Variants in PDZD2 observed in about 807,000 individuals in gnomAD.
PDZD2 encodes the protein PDZ domain containing 2.
A neutral mutation model predicts 220.7 loss-of-function variants in PDZD2; 90 were observed. That is an observed-to-expected ratio of 0.41 (90% CI 0.34 to 0.49). The LOEUF (loss-of-function observed/expected upper bound fraction) is 0.49, where lower values mean the gene tolerates loss of function less well. Ranked by LOEUF, PDZD2 falls within the 20% of genes least tolerant of loss-of-function variation. PDZD2 has a pLI of 0.28. For synonymous variants in PDZD2, 1,375 were observed against 1,450.5 expected, an observed-to-expected ratio of 0.95 and a Z score of 1.18; for missense variants, 3,174 against 3,608.5, an observed-to-expected ratio of 0.88 and a Z score of 3.08.
chr5:31,874,493 G>T (rs1021084288), intron 2 of PDZD2, among the ~76,000 whole-genome samples: 9 of 152,068 alleles, frequency 5.9e-5, no homozygotes, highest in Non-Finnish European at 1.5e-5. Context: ...AGGTGTGGTG[G>T]CTCACACCTG....
chr5:31,763,916 GAGTA>G (rs1260250809), intron 1 of PDZD2, among the ~76,000 whole-genome samples: 1 of 150,638 alleles, frequency 6.6e-6, no homozygotes, highest in Non-Finnish European at 1.5e-5. Context: ...TAATCTCTGA[GAGTA>G]GTGAGCTCGG....
chr5:31,802,369 A>C lies in PDZD2; in HGVS notation c.476+2645A>C, dbSNP rs115245078. 5.6e-3 allele frequency among the ~76,000 whole-genome samples: 852 copies of C among 152,338 alleles called. 13 individuals are homozygous for C. The highest frequency in any genetic ancestry group is 0.02 in the African/African-American group (826 of 41,572). Reference sequence around the variant, plus strand: ...CTGGGATGCCGCAGTGATAACTGGCAGAGCCGAGGCTCAGGCTCCGTCTCT... The same window carrying C: ...CTGGGATGCCGCAGTGATAACTGGCCGAGCCGAGGCTCAGGCTCCGTCTCT... On this transcript the variant is annotated intron_variant, in intron 2 of 24. Transcript: ENST00000438447.
At chr5:31,988,182 A>G (rs2111909863) in intron 3 of PDZD2, among the ~76,000 whole-genome samples, 1 of 152,308 alleles carries the variant, frequency 6.6e-6, no homozygotes, top group East Asian at 1.9e-4. Flanking sequence ...GCATGCACAC[A>G]CACGCACACT....
At chr5:32,040,526 AGATG>A (rs2112244002) in intron 7 of PDZD2, among the ~76,000 whole-genome samples, 1 of 145,250 alleles carries the variant, frequency 6.9e-6, no homozygotes, top group South Asian at 2.2e-4. Flanking sequence ...CCCGTCTGGG[AGATG>A]AGGAGCGCCT....
intron 1 of PDZD2, among the ~76,000 whole-genome samples, chr5:31,667,123 C>A (rs1236138817): frequency 2.0e-5 from 3 of 151,614 alleles, no homozygotes; most frequent in African/African-American, 7.3e-5. Context: ...GTAGTCCCAG[C>A]TACTCAGGAG....
chr5:31,678,922 T>C (rs568380718), intron 1 of PDZD2, among the ~76,000 whole-genome samples: 2 of 152,156 alleles, frequency 1.3e-5, no homozygotes, highest in Admixed American at 6.5e-5. Flanking sequence ...TTCTTTTTTT[T>C]CCCCCCTTTT....
At chr5:31,953,976 C>T (rs1220990191) in intron 2 of PDZD2, among the ~76,000 whole-genome samples, 2 of 152,088 alleles carry the variant, frequency 1.3e-5, no homozygotes, top group African/African-American at 4.8e-5. Context: ...ATTAGCCAGG[C>T]ATGGTGTCTC....
intron 2 of PDZD2, among the ~76,000 whole-genome samples, chr5:31,904,179 C>A (rs1164461198): frequency 6.6e-6 from 1 of 152,116 alleles, no homozygotes; most frequent in Non-Finnish European, 1.5e-5. Flanking sequence ...AGTTATGCCA[C>A]TTCTTATAAG....
chr5:31,986,748 G>A (rs1457602315), intron 3 of PDZD2, among the ~76,000 whole-genome samples: 1 of 152,086 alleles, frequency 6.6e-6, no homozygotes, highest in African/African-American at 2.4e-5. Flanking sequence ...TAATATAGCT[G>A]CAAAAACTTA....
At chr5:32,058,218 A>G in intron 12 of PDZD2, 115 bp downstream of exon 12, 5 of 665,970 alleles carry the variant, frequency 7.5e-6, no homozygotes, top group South Asian at 1.8e-5. Context: ...ACAATCTTCT[A>G]TCAACAACAC....
rs553403503 is a variant in PDZD2, at chr5:31,993,484, C to T, written c.979-2092C>T. Among the ~76,000 whole-genome samples the T allele has an allele frequency of 6.6e-5, 10 of 152,292 alleles. No homozygotes were observed. The East Asian group carries it at 1.9e-3, about 29-fold the overall frequency. ...GACTGCCCAACATCTGTTTTTTTTA[C>T]TGTTGCATAAAGTTTCATTTCAGTT... On this transcript the variant is annotated intron_variant, in intron 3 of 24. Coordinates refer to ENST00000438447, the MANE Select transcript of PDZD2 (RefSeq NM_178140.4).
At chr5:31,868,679 C>A (rs1337615937) in intron 2 of PDZD2, among the ~76,000 whole-genome samples, 4 of 152,084 alleles carry the variant, frequency 2.6e-5, no homozygotes, top group African/African-American at 9.7e-5. Context: ...GCTGCTGCTG[C>A]TTTTTCTAAT....
intron 1 of PDZD2, among the ~76,000 whole-genome samples, chr5:31,737,387 T>A (rs1370414362): frequency 6.6e-6 from 1 of 152,074 alleles, no homozygotes; most frequent in South Asian, 2.1e-4. Context: ...TTAGCCAGGA[T>A]GGTCTTGATC....
rs774361998 is a variant in PDZD2, at chr5:32,074,484, C to T, written c.3378C>T (p.Pro1126=). 6.2e-7 allele frequency: 1 copy of T among 1,614,114 alleles called. No homozygotes were observed. The highest frequency in any genetic ancestry group is 8.5e-7 in the Non-Finnish European group (1 of 1,179,936). Reference sequence around the variant, plus strand: ...ACAGACCAGTGGCCAGGGTAAGCCCCCACTGCAAGAGATCCGAGGCTGAGG... The same window carrying T: ...ACAGACCAGTGGCCAGGGTAAGCCCTCACTGCAAGAGATCCGAGGCTGAGG... ...SRHRPVARVS[P]HCKRSEAEAK... The change falls in exon 18 of 25, where the codon CCC becomes CCT. Residue 1126 remains proline (P), a synonymous_variant. Transcript: ENST00000438447.
At chr5:32,006,839 G>C (rs13357049) in intron 5 of PDZD2, among the ~76,000 whole-genome samples, 1 of 148,740 alleles carries the variant, frequency 6.7e-6, no homozygotes, top group East Asian at 2.0e-4. Flanking sequence ...ATAGGCACGT[G>C]CCACCGCATC....
At chr5:31,761,090 C>T (rs1209482591) in intron 1 of PDZD2, among the ~76,000 whole-genome samples, 1 of 151,960 alleles carries the variant, frequency 6.6e-6, no homozygotes, top group Non-Finnish European at 1.5e-5. Flanking sequence ...GGGAGTGGTG[C>T]TGTGTAAGAG....
intron 5 of PDZD2, among the ~76,000 whole-genome samples, chr5:32,009,732 T>TAA (rs546260806): frequency 4.1e-5 from 6 of 145,862 alleles, no homozygotes; most frequent in African/African-American, 1.5e-4. Context: ...CCTTGTCTAT[T>TAA]AAAAAAAAAA....
chr5:32,025,915 T>C (rs926634365), intron 6 of PDZD2, among the ~76,000 whole-genome samples: 5 of 152,032 alleles, frequency 3.3e-5, no homozygotes, highest in Non-Finnish European at 5.9e-5. Context: ...TGTCTTACTT[T>C]TCACCTAAAA....
intron 2 of PDZD2, among the ~76,000 whole-genome samples, chr5:31,982,935 G>A (rs1424523335): frequency 6.6e-6 from 1 of 152,150 alleles, no homozygotes; most frequent in African/African-American, 2.4e-5. Flanking sequence ...CTAGTTCATG[G>A]GGTTTTGTGT....
Sources: gnomAD v4.1 joint callset for allele counts (sites outside exome capture counted in the v4.1 genomes callset) on GRCh38, gnomAD v4.1.1 for gene constraint, MANE v1.5 for transcripts, NCBI Gene and HGNC (gene_info 2026-07-23, HGNC 2026-07-21) for gene names.